The following DSCAM variants were observed in gnomAD, a reference collection of about 807,000 sequenced individuals.
The protein encoded by DSCAM is cell adhesion molecule DSCAM.
Under a neutral mutation model 217.7 loss-of-function variants are expected in DSCAM, and 47 were observed. The ratio of observed to expected loss-of-function variants is 0.22; its 90% CI spans 0.17 to 0.28. The LOEUF is 0.28. DSCAM is among the 10% of genes least tolerant of loss of function. The pLI, the probability that DSCAM is intolerant of heterozygous loss-of-function variation, is 1.00. For missense variants in DSCAM, 2,080 were observed against 2,618.3 expected (o/e 0.79, Z 4.49); for synonymous variants, 1,056 against 1,015.3 (o/e 1.04, Z -0.76).
Position 40,080,147 on chromosome 21 carries a change from C to T in DSCAM, c.4420+5G>A, listed in dbSNP as rs748971828. On this transcript the variant is annotated splice_donor_5th_base_variant and intron_variant, in intron 25 of 32. Coordinates refer to ENST00000400454, the MANE Select transcript of DSCAM (RefSeq NM_001389.5). ...TATTAAGAAGCGATGAGAAGGCATA[C>T]CTACCTTTTCCTAAGGTCTTTGCTT... 6 of 1,524,386 alleles carry T rather than the reference C, an allele frequency of 3.9e-6. No homozygotes were observed. The highest frequency in any genetic ancestry group is 1.1e-5 in the South Asian group (1 of 88,360). 94.4% of individuals were successfully genotyped at this position (1,524,386 alleles called of 1,614,324 possible).
intron 3 of DSCAM, among the ~76,000 whole-genome samples, chr21:40,675,553 G>A (rs188932566): frequency 1.3e-3 from 196 of 152,062 alleles, no homozygotes; most frequent in Non-Finnish European, 1.7e-3. Context: ...TTCTAAGAAA[G>A]GGTTGGAGAC....
intron 32 of DSCAM, among the ~76,000 whole-genome samples, chr21:40,017,732 A>G (rs1331473346): frequency 2.6e-5 from 4 of 152,148 alleles, no homozygotes; most frequent in Non-Finnish European, 1.5e-5. Context: ...TTGTATTTTT[A>G]GTAGAGACAG....
chr21:40,269,288 C>A (rs184362268), intron 11 of DSCAM, among the ~76,000 whole-genome samples: 4 of 152,144 alleles, frequency 2.6e-5, no homozygotes, highest in African/African-American at 9.7e-5. Flanking sequence ...ATTAAGAATA[C>A]GGAAATCTTC....
chr21:40,276,353 A>C, intron 10 of DSCAM, 83 bp from the exon 11 acceptor site: 28 of 1,296,962 alleles, frequency 2.2e-5, no homozygotes, highest in Non-Finnish European at 2.7e-5. Flanking sequence ...ACACAGACTC[A>C]TAAAGAGATG....
In DSCAM at chr21:40,563,718, TTA is replaced by T. The variant is rs920823058; in HGVS notation, c.508+129090_508+129091del. Among the ~76,000 whole-genome samples the T allele has an allele frequency of 4.9e-4, 68 of 140,188 alleles. 1 individual carries two copies. The highest frequency in any genetic ancestry group is 6.6e-4 in the East Asian group (3 of 4,564). The allele number at this position is 140,188 out of a possible 152,430, so 92.0% of individuals were successfully genotyped here. On this transcript the variant is annotated intron_variant, in intron 3 of 32. Coordinates refer to ENST00000400454, the MANE Select transcript of DSCAM (RefSeq NM_001389.5). ...GTTATATGTGTGTATATAGTTATGT[TTA>T]TATATGTTTATATGTTTATATATAG...
chr21:40,097,964 AAG>A (rs2089701761), intron 20 of DSCAM, among the ~76,000 whole-genome samples: 171 of 71,290 alleles, frequency 2.4e-3, no homozygotes, highest in Non-Finnish European at 3.1e-3. Context: ...AAAAGAAAGA[AAG>A]AAAGAAAGAA....
intron 8 of DSCAM, among the ~76,000 whole-genome samples, chr21:40,326,219 C>A (rs903151456): frequency 3.3e-5 from 5 of 152,022 alleles, no homozygotes; most frequent in Admixed American, 6.6e-5. Flanking sequence ...TGGTGTCAGC[C>A]AAAAGTTGAC....
chr21:40,261,154 T>G (rs2073444741), intron 11 of DSCAM, among the ~76,000 whole-genome samples: 1 of 152,242 alleles, frequency 6.6e-6, no homozygotes, highest in Admixed American at 6.5e-5. Context: ...AGCATTAGCC[T>G]GGCTTCATTT....
intron 3 of DSCAM, among the ~76,000 whole-genome samples, chr21:40,444,546 G>A (rs2075658742): frequency 6.6e-6 from 1 of 152,212 alleles, no homozygotes; most frequent in African/African-American, 2.4e-5. Flanking sequence ...GATGCTTTTA[G>A]ATTCAGGGGC....
At chr21:40,361,397 G>C (rs981545580) in intron 4 of DSCAM, among the ~76,000 whole-genome samples, 2 of 152,140 alleles carry the variant, frequency 1.3e-5, no homozygotes, top group Non-Finnish European at 2.9e-5. Context: ...GAGGCAGGGG[G>C]ATCACAAGGT....
At chr21:40,655,015 C>T (rs2837765) in intron 3 of DSCAM, among the ~76,000 whole-genome samples, 35,192 of 151,936 alleles carry the variant, frequency 0.23, 4,263 homozygotes, top group South Asian at 0.27. Context: ...TCTGGAAATG[C>T]GTATTTGTAC....
At chr21:40,428,365 G>C (rs1297927308) in intron 3 of DSCAM, among the ~76,000 whole-genome samples, 2 of 150,968 alleles carry the variant, frequency 1.3e-5, no homozygotes, top group Non-Finnish European at 2.9e-5. Context: ...CTGCCTCCCG[G>C]GTCCAAGCAA....
intron 11 of DSCAM, among the ~76,000 whole-genome samples, chr21:40,265,596 T>C (rs1357174036): frequency 6.6e-6 from 1 of 152,168 alleles, no homozygotes; most frequent in East Asian, 1.9e-4. Flanking sequence ...CAAATGATAC[T>C]ACAAGGCTAT....
intron 10 of DSCAM, among the ~76,000 whole-genome samples, chr21:40,278,370 C>G (rs1158956587): frequency 1.3e-5 from 2 of 152,136 alleles, no homozygotes; most frequent in Non-Finnish European, 2.9e-5. Context: ...CACAAATACT[C>G]ATCTCTGCCA....
chr21:40,709,884 T>C (rs1465896826), intron 1 of DSCAM, among the ~76,000 whole-genome samples: 1 of 152,212 alleles, frequency 6.6e-6, no homozygotes, highest in Non-Finnish European at 1.5e-5. Flanking sequence ...CAACTGGTAT[T>C]TCTGGTTCTA....
chr21:40,505,839 CTG>C (rs1483360519), intron 3 of DSCAM, among the ~76,000 whole-genome samples: 2 of 152,156 alleles, frequency 1.3e-5, no homozygotes, highest in Non-Finnish European at 2.9e-5. Flanking sequence ...TCCAGTCCCT[CTG>C]TGTGTGGTGA....
intron 11 of DSCAM, among the ~76,000 whole-genome samples, chr21:40,273,462 T>C (rs907234271): frequency 6.6e-6 from 1 of 152,216 alleles, no homozygotes; most frequent in African/African-American, 2.4e-5. Context: ...ATCTCCTCCA[T>C]GTACTGTAGA....
chr21:40,605,379 CT>C (rs1159116933), intron 3 of DSCAM, among the ~76,000 whole-genome samples: 2 of 152,164 alleles, frequency 1.3e-5, no homozygotes, highest in African/African-American at 2.4e-5. Context: ...TTCTGTTCAG[CT>C]TTTTTTCATG....
intron 32 of DSCAM, among the ~76,000 whole-genome samples, chr21:40,021,223 A>G (rs932370843): frequency 1.3e-5 from 2 of 151,496 alleles, no homozygotes; most frequent in African/African-American, 2.4e-5. Context: ...AAAAAAAAAA[A>G]AAAGAAAAGA....
Sources: allele counts gnomAD v4.1 joint callset (sites outside exome capture counted in the v4.1 genomes callset), GRCh38; gene constraint gnomAD v4.1.1; transcripts MANE v1.5; gene names NCBI Gene and HGNC (gene_info 2026-07-23, HGNC 2026-07-21).